Variants in PNISR observed in about 807,000 individuals in gnomAD.
PNISR encodes the protein PNN interacting serine and arginine rich protein.
In PNISR, 20 loss-of-function variants were observed where a neutral mutation model predicts 93.4. That is an observed-to-expected ratio of 0.21 (90% CI 0.15 to 0.31). The LOEUF (loss-of-function observed/expected upper bound fraction) is 0.31, where lower values mean the gene tolerates loss of function less well. Ranked by LOEUF, PNISR falls within the 10% of genes least tolerant of loss-of-function variation. PNISR has a pLI of 1.00. For synonymous variants in PNISR, 305 were observed against 306.5 expected, an observed-to-expected ratio of 0.99 and a Z score of 0.05; for missense variants, 893 against 985.4, an observed-to-expected ratio of 0.91 and a Z score of 1.25.
chr6:99,402,860 A>G (rs7450941), intron 10 of PNISR, 150 bp from the exon 11 acceptor site: 2 of 530,490 alleles, frequency 3.8e-6, no homozygotes, highest in East Asian at 5.7e-5. Context: ...TATACATTCA[A>G]ACGCTTAAGG....
rs1447004712 is a variant in PNISR at position 99,398,177 on chromosome 6, A to C, written c.*2363T>G. The C allele has an allele frequency of 3.9e-5, 6 of 152,138 alleles. No individual in the cohort carries two copies. The highest frequency in any genetic ancestry group is 1.4e-4 in the African/African-American group (6 of 41,448). The allele number at this position is 152,138 out of a possible 1,614,324, so 9.4% of individuals were successfully genotyped here. ...CCACTCCACAAAAACAATTATGACT[A>C]ATACACTAGAAATATTTTTTAATAG... On this transcript the variant is annotated 3_prime_UTR_variant, in exon 12 of 12. Transcript: ENST00000369239.
intron 5 of PNISR, chr6:99,409,772 A>G (rs1466426540): frequency 6.5e-6 from 1 of 154,736 alleles, no homozygotes; most frequent in Non-Finnish European, 1.4e-5. Context: ...ATTCATTTAT[A>G]AGCAAAGATA....
chr6:99,403,706 C>G (rs1582769961), intron 10 of PNISR, 123 bp downstream of exon 10: 7 of 617,874 alleles, frequency 1.1e-5, no homozygotes, highest in Middle Eastern at 5.3e-4. Flanking sequence ...ATGACATAAC[C>G]CTAAGACCTA....
chr6:99,406,694 A>G (rs1476584398), intron 7 of PNISR, among the ~76,000 whole-genome samples: 4 of 152,230 alleles, frequency 2.6e-5, no homozygotes, highest in Non-Finnish European at 4.4e-5. Context: ...TTTTTAGCTC[A>G]TAATAAAAAG....
At position 99,412,866 on chromosome 6, in the gene PNISR, GA is replaced by G. The variant is rs1777130242; in HGVS notation, c.89-128del. 7 of 540,214 alleles carry G rather than the reference GA, an allele frequency of 1.3e-5. No homozygotes were observed. The South Asian group carries it at 3.7e-4, about 29-fold the overall frequency. The allele number at this position is 540,214 out of a possible 1,614,324, so 33.5% of individuals were successfully genotyped here. A position where few individuals can be genotyped will look rare whatever the true frequency, so the allele number is the denominator to read the frequency against. ...TATTTCAGACAGAGAGGGTATGAGG[GA>G]AATTAGAAAAATTTTTTTTGAATGA... On this transcript the variant is annotated intron_variant, in intron 3 of 11. Coordinates refer to ENST00000369239, the MANE Select transcript of PNISR (RefSeq NM_032870.4).
intron 5 of PNISR, chr6:99,410,100 T>C (rs966542164): frequency 6.6e-6 from 1 of 152,250 alleles, no homozygotes; most frequent in Non-Finnish European, 1.5e-5. Context: ...TAGCAGTTTA[T>C]AAGTTAATAA....
At position 99,400,449 on chromosome 6, in the gene PNISR, T is replaced by C; in HGVS notation, c.*91A>G. ...TTATTTATCAAGTACCAAACTGAGT[T>C]TATTAAAGAGAGAGAGAAAGGACAC... On this transcript the variant is annotated 3_prime_UTR_variant, in exon 12 of 12. Transcript: ENST00000369239. 1 of 1,479,070 alleles carries C rather than the reference T, an allele frequency of 6.8e-7. No individual in the cohort carries two copies. Among genetic ancestry groups the C allele is most frequent in the East Asian group, 2.3e-5 (1 of 43,604 alleles). The allele number at this position is 1,479,070 out of a possible 1,614,324, so 91.6% of individuals were successfully genotyped here. A position where few individuals can be genotyped will look rare whatever the true frequency, so the allele number is the denominator to read the frequency against.
At chr6:99,411,601 C>A (rs1202050973) in intron 4 of PNISR, 2 of 145,084 alleles carry the variant, frequency 1.4e-5, no homozygotes, top group Non-Finnish European at 3.0e-5. Context: ...TAAAAGTAAT[C>A]TGAATTCTCG....
At chr6:99,417,857 A>C (rs2128492793) in intron 1 of PNISR, among the ~76,000 whole-genome samples, 1 of 151,222 alleles carries the variant, frequency 6.6e-6, no homozygotes, top group Middle Eastern at 3.4e-3. Flanking sequence ...AATCCCAGCT[A>C]CTTGGGAGGC....
In PNISR at chr6:99,400,379, TA is replaced by T. The variant is rs951983531; in HGVS notation, c.*160del. ...ATTTTAAATTAAAAATCTGCAATTT[TA>T]AATAAATAATATTATATAGGATTTC... On this transcript the variant is annotated 3_prime_UTR_variant, in exon 12 of 12. Transcript: ENST00000369239. The T allele has an allele frequency of 4.7e-5, 54 of 1,157,270 alleles. No homozygotes were observed. Among genetic ancestry groups the T allele is most frequent in the Non-Finnish European group, 5.5e-5 (51 of 922,560 alleles). The allele number at this position is 1,157,270 out of a possible 1,614,324, so 71.7% of individuals were successfully genotyped here.
chr6:99,417,057 T>A (rs1413971947), intron 1 of PNISR, among the ~76,000 whole-genome samples: 1 of 152,234 alleles, frequency 6.6e-6, no homozygotes, highest in Admixed American at 6.5e-5. Flanking sequence ...CTTCTACTTA[T>A]GAGAACCAAA....
chr6:99,401,173 C>T lies in PNISR; in HGVS notation c.1785G>A (p.Arg595=), dbSNP rs1420892666. Residue 595 remains arginine (R), a synonymous_variant, in exon 12 of 12, where the codon AGG becomes AGA. Coordinates refer to ENST00000369239, the MANE Select transcript of PNISR (RefSeq NM_032870.4). ...TTTCAATGCTATTTCTATTAGATCT[C>T]CTTCTATCTCTAATCTTTACCCTAG... ...NRARVKIRDR[R]RSNRNSIERE... is the part of the protein sequence containing the mutation. 1 of 1,613,820 alleles carries T rather than the reference C, an allele frequency of 6.2e-7. No individual in the cohort carries two copies. The highest frequency in any genetic ancestry group is 8.5e-7 in the Non-Finnish European group (1 of 1,179,712).
intron 4 of PNISR, among the ~76,000 whole-genome samples, chr6:99,411,264 TAAC>T (rs1025807429): frequency 1.3e-5 from 2 of 152,216 alleles, no homozygotes; most frequent in African/African-American, 2.4e-5. Flanking sequence ...ATTTGTTTAG[TAAC>T]AACACCACAA....
intron 10 of PNISR, chr6:99,403,299 C>T (rs1775749411): frequency 1.3e-5 from 2 of 152,204 alleles, no homozygotes; most frequent in South Asian, 4.1e-4. Context: ...CAAGCTTTTA[C>T]AGCCTTGATA....
intron 8 of PNISR, among the ~76,000 whole-genome samples, chr6:99,405,500 C>A (rs972773071): frequency 6.6e-6 from 1 of 151,936 alleles, no homozygotes; most frequent in Non-Finnish European, 1.5e-5. Flanking sequence ...CGAAATCATA[C>A]GGATCAAAGA....
Position 99,410,534 on chromosome 6 carries a change from T to C in PNISR, c.501+207A>G, listed in dbSNP as rs533996005. On this transcript the variant is annotated intron_variant, in intron 5 of 11. Coordinates refer to ENST00000369239, the MANE Select transcript of PNISR (RefSeq NM_032870.4). ...TTTTCAAAAGTTTTCCGTAATGATC[T>C]TTTATACCATTTTCCTAATGAAATA... 2.8e-4 allele frequency: 148 copies of C among 532,804 alleles called. 2 individuals carry two copies. In the East Asian group the frequency reaches 4.3e-3, roughly 15 times the overall value. 33.0% of individuals were successfully genotyped at this position (532,804 alleles called of 1,614,324 possible). A position where few individuals can be genotyped will look rare whatever the true frequency, so the allele number is the denominator to read the frequency against.
intron 9 of PNISR, 138 bp downstream of exon 9, chr6:99,404,465 A>C (rs775785531): frequency 2.0e-5 from 14 of 697,882 alleles, no homozygotes; most frequent in Non-Finnish European, 3.5e-5. Context: ...CTACGAATCT[A>C]ATCTTTAAGA....
chr6:99,417,089 G>A (rs1415699584), intron 1 of PNISR, among the ~76,000 whole-genome samples: 2 of 152,112 alleles, frequency 1.3e-5, no homozygotes, highest in Non-Finnish European at 2.9e-5. Context: ...GCTTTCCAAC[G>A]CTTTAACAGC....
At position 99,412,563 on chromosome 6, in the gene PNISR, T is replaced by C; in HGVS notation, c.265A>G (p.Met89Val). The stretch of plus-strand genomic sequence containing the variant: ...ATAAACAACAAACCTGGTTGCCACA[T>C]TCTGTTGAAGTTTGAATCCCCTTGG... ...NFQGDSNFNR[M>V]WQPEWGMHQQ... Residue 89 changes from methionine (M) to valine (V), a missense_variant, in exon 4 of 12, where the codon ATG (methionine) becomes GTG (valine). Physicochemically the swap from Met to Val is conservative, Grantham distance 21. Around this residue, in one of 3 missense-constraint regions of PNISR, gnomAD observed 866 missense variants for 935.1 expected, o/e 0.93. Transcript: ENST00000369239. The C allele has an allele frequency of 1.3e-6, 2 of 1,588,526 alleles. No homozygotes were observed. The highest frequency in any genetic ancestry group is 1.7e-6 in the Non-Finnish European group (2 of 1,169,550).
Sources: allele counts gnomAD v4.1 joint callset (sites outside exome capture counted in the v4.1 genomes callset), GRCh38; gene constraint gnomAD v4.1.1; regional missense constraint gnomAD v4.1.1; transcripts MANE v1.5; gene names NCBI Gene and HGNC (gene_info 2026-07-23, HGNC 2026-07-21).